Variants in DDAH1 observed in about 807,000 individuals in gnomAD.
The protein encoded by DDAH1 is N(G),N(G)-dimethylarginine dimethylaminohydrolase 1.
In DDAH1, 19 loss-of-function variants were observed where a neutral mutation model predicts 28.8. The ratio of observed to expected loss-of-function variants is 0.66; its 90% CI spans 0.46 to 0.97. The LOEUF is 0.97. Ranked by LOEUF, DDAH1 falls within the 50% of genes least tolerant of loss-of-function variation. The pLI, the probability that DDAH1 is intolerant of heterozygous loss-of-function variation, is 0.00. For synonymous variants in DDAH1, 153 were observed against 154.4 expected, an observed-to-expected ratio of 0.99 and a Z score of 0.07; for missense variants, 326 against 375.9, an observed-to-expected ratio of 0.87 and a Z score of 1.10.
At chr1:85,458,378 A>G (rs1654991749) in intron 1 of DDAH1, among the ~76,000 whole-genome samples, 1 of 151,716 alleles carries the variant, frequency 6.6e-6, no homozygotes, top group African/African-American at 2.4e-5. Context: ...ACATTATTAA[A>G]TTACTTGATA....
chr1:85,326,084 GAA>G (rs1450607312), intron 4 of DDAH1, among the ~76,000 whole-genome samples: 3 of 152,250 alleles, frequency 2.0e-5, no homozygotes, highest in Non-Finnish European at 4.4e-5. Context: ...ATGAAAAGCA[GAA>G]GAGAGACAGC....
At chr1:85,512,464 A>G (rs1347377167) in intron 1 of DDAH1, among the ~76,000 whole-genome samples, 1 of 152,038 alleles carries the variant, frequency 6.6e-6, no homozygotes, top group Non-Finnish European at 1.5e-5. Flanking sequence ...CTCTCTCACC[A>G]CTCCTATTCA....
At chr1:85,563,069 T>C (rs530290932) in intron 1 of DDAH1, among the ~76,000 whole-genome samples, 35 of 152,262 alleles carry the variant, frequency 2.3e-4, no homozygotes, top group African/African-American at 7.9e-4. Context: ...TTATCCCAGC[T>C]TACTGCTTGA....
intron 1 of DDAH1, among the ~76,000 whole-genome samples, chr1:85,570,395 C>CACACACACA (rs1018150712): frequency 6.6e-6 from 1 of 150,592 alleles, no homozygotes; most frequent in Admixed American, 6.6e-5. Flanking sequence ...CACACACACA[C>CACACACACA]ATCTCAGTGC....
At chr1:85,481,277 T>C (rs960312797) in intron 2 of DDAH1, among the ~76,000 whole-genome samples, 1 of 151,988 alleles carries the variant, frequency 6.6e-6, no homozygotes, top group African/African-American at 2.4e-5. Context: ...TTTGTATTTT[T>C]AGTACAGACA....
At chr1:85,383,386 T>G (rs992241122) in intron 1 of DDAH1, among the ~76,000 whole-genome samples, 1 of 152,218 alleles carries the variant, frequency 6.6e-6, no homozygotes, top group Non-Finnish European at 1.5e-5. Context: ...TGCTGCAATC[T>G]CATGATAAAA....
intron 1 of DDAH1, among the ~76,000 whole-genome samples, chr1:85,529,807 A>G (rs1216080279): frequency 3.4e-5 from 5 of 148,208 alleles, no homozygotes; most frequent in Non-Finnish European, 7.4e-5. Flanking sequence ...GTGTTGAGGG[A>G]AGGAATAGAT....
At chr1:85,559,645 G>T (rs1252849553) in intron 1 of DDAH1, among the ~76,000 whole-genome samples, 1 of 151,998 alleles carries the variant, frequency 6.6e-6, no homozygotes, top group African/African-American at 2.4e-5. Flanking sequence ...TTTTTTTAAA[G>T]AATCAAATAG....
intron 1 of DDAH1, among the ~76,000 whole-genome samples, chr1:85,431,384 T>C (rs1653680882): frequency 6.6e-6 from 1 of 152,204 alleles, no homozygotes; most frequent in Non-Finnish European, 1.5e-5. Flanking sequence ...TAAGGATAGC[T>C]AGGACAGTTG....
intron 5 of DDAH1, among the ~76,000 whole-genome samples, chr1:85,322,807 A>C (rs233120): frequency 0.35 from 52,779 of 152,052 alleles, 9,277 homozygotes; most frequent in South Asian, 0.4. Flanking sequence ...TTGAGAGACA[A>C]ACGGCTGAAT....
chr1:85,488,956 G>A lies in DDAH1; in HGVS notation c.-7+7210C>T, dbSNP rs12068848. Among the ~76,000 whole-genome samples the A allele has an allele frequency of 1.3e-5, 2 of 152,144 alleles. 1 individual carries two copies. The highest frequency in any genetic ancestry group is 4.8e-5 in the African/African-American group (2 of 41,432). ...ATTTTCTAATATGAAGATGGTGACT[G>A]CATTTGAAAATGCAAATTAATAGAC... On this transcript the variant is annotated intron_variant, in intron 2 of 6. Coordinates refer to the DDAH1 transcript ENST00000426972.
rs111320573 is a variant in DDAH1, at chr1:85,402,008, C to T, written c.304-43161G>A. Reference sequence around the variant, plus strand: ...TTACTTTAATTAATTTTTTTAGAGACAGGGTCTTGCTATGTCACCCAGGCT... The same window carrying T: ...TTACTTTAATTAATTTTTTTAGAGATAGGGTCTTGCTATGTCACCCAGGCT... On this transcript the variant is annotated intron_variant, in intron 1 of 5. Transcript: ENST00000284031. 5.5e-4 allele frequency among the ~76,000 whole-genome samples: 84 copies of T among 152,084 alleles called. 1 individual carries two copies. The highest frequency in any genetic ancestry group is 3.4e-3 in the Middle Eastern group (1 of 294).
intron 4 of DDAH1, among the ~76,000 whole-genome samples, chr1:85,326,434 A>T (rs1021639838): frequency 3.3e-5 from 5 of 152,236 alleles, no homozygotes; most frequent in African/African-American, 1.2e-4. Context: ...TTTATTATCT[A>T]ATCTCAAACT....
At chr1:85,377,772 T>C (rs1242628445) in intron 1 of DDAH1, among the ~76,000 whole-genome samples, 3 of 147,430 alleles carry the variant, frequency 2.0e-5, no homozygotes, top group Non-Finnish European at 4.5e-5. Flanking sequence ...GAGTAATCCA[T>C]TTGATGACTG....
intron 2 of DDAH1, among the ~76,000 whole-genome samples, chr1:85,492,123 C>T (rs1437027616): frequency 6.6e-6 from 1 of 152,120 alleles, no homozygotes; most frequent in East Asian, 1.9e-4. Context: ...CAAAATAATA[C>T]AGCTTGACTG....
At chr1:85,538,412 C>T (rs1303229229) in intron 1 of DDAH1, among the ~76,000 whole-genome samples, 1 of 152,182 alleles carries the variant, frequency 6.6e-6, no homozygotes, top group African/African-American at 2.4e-5. Flanking sequence ...CAGGCTAAGT[C>T]TGTACTCAGA....
intron 1 of DDAH1, among the ~76,000 whole-genome samples, chr1:85,531,713 A>G (rs1475003567): frequency 3.4e-5 from 5 of 147,608 alleles, no homozygotes; most frequent in Non-Finnish European, 4.5e-5. Context: ...TGCTTCTTCC[A>G]CCACATTAAT....
At position 85,508,999 on chromosome 1, in the gene DDAH1, A is replaced by C. The variant is rs147654198; in HGVS notation, c.-122-12718T>G. Among the ~76,000 whole-genome samples the C allele has an allele frequency of 6.3e-3, 961 of 152,358 alleles. 10 individuals are homozygous for C. Among genetic ancestry groups the C allele is most frequent in the African/African-American group, 0.022 (909 of 41,588 alleles). On this transcript the variant is annotated intron_variant, in intron 1 of 6. Coordinates refer to the DDAH1 transcript ENST00000426972. Reference sequence around the variant, plus strand: ...CCAGCCAGGCGTTTGAGCTCTGAGAACAGACAGACTGACTCCTCAAGTGGG... The same window carrying C: ...CCAGCCAGGCGTTTGAGCTCTGAGACCAGACAGACTGACTCCTCAAGTGGG...
Position 85,344,952 on chromosome 1 carries a change from G to A in DDAH1, c.597+5463C>T, listed in dbSNP as rs565515898. Reference sequence around the variant, plus strand: ...GGGGGTTAGGAGTTAGGCACACTTAGTTATTGGAGAATTATTTCTGTAAGT... The same window carrying A: ...GGGGGTTAGGAGTTAGGCACACTTAATTATTGGAGAATTATTTCTGTAAGT... On this transcript the variant is annotated intron_variant, in intron 4 of 5. Transcript: ENST00000284031. Among the ~76,000 whole-genome samples the A allele has an allele frequency of 2.0e-5, 3 of 152,268 alleles. No individual in the cohort carries two copies. In the South Asian group the frequency reaches 6.2e-4, roughly 32 times the overall value.
Sources: gnomAD v4.1 joint callset for allele counts (sites outside exome capture counted in the v4.1 genomes callset) on GRCh38, gnomAD v4.1.1 for gene constraint, MANE v1.5 for transcripts, NCBI Gene and HGNC (gene_info 2026-07-23, HGNC 2026-07-21) for gene names.